UMAD1: variants seen among roughly 807,000 people sequenced by gnomAD.
UMAD1 encodes UBAP1-MVB12-associated (UMA) domain containing 1.
Under a neutral mutation model 6.1 loss-of-function variants are expected in UMAD1, and 8 were observed. The ratio of observed to expected loss-of-function variants is 1.30; its 90% CI spans 0.76 to 2.35. UMAD1 has a LOEUF of 2.35. Ranked by LOEUF, UMAD1 falls within the 30% of genes most tolerant of loss-of-function variation. The probability of loss-of-function intolerance (pLI) is 0.00; values close to 1 mark genes in which losing one functional copy is unlikely to be tolerated. For missense variants in UMAD1, 130 were observed against 78.4 expected (o/e 1.66, Z -2.49); for synonymous variants, 56 against 31.4 (o/e 1.78, Z -2.61).
intron 2 of UMAD1, among the ~76,000 whole-genome samples, chr7:7,678,397 T>C (rs1489936993): frequency 6.8e-6 from 1 of 146,518 alleles, no homozygotes; most frequent in African/African-American, 2.5e-5. Context: ...GAGAAATAGC[T>C]ATTCAGATAT....
chr7:7,834,016 C>CTTTT (rs4034895), intron 3 of UMAD1, among the ~76,000 whole-genome samples: 277 of 110,384 alleles, frequency 2.5e-3, no homozygotes, highest in Middle Eastern at 6.5e-3. Context: ...TTTTTCTTTT[C>CTTTT]TTTTTTTTTT....
chr7:7,767,318 G>A (rs1782008239), intron 2 of UMAD1, among the ~76,000 whole-genome samples: 1 of 151,746 alleles, frequency 6.6e-6, no homozygotes, highest in Admixed American at 6.6e-5. Context: ...GTAGAGACGG[G>A]GTTTCACCAT....
chr7:7,745,553 G>A (rs1018596100), intron 2 of UMAD1, among the ~76,000 whole-genome samples: 1 of 115,540 alleles, frequency 8.7e-6, no homozygotes, highest in African/African-American at 4.2e-5. Context: ...CAACTTTTGG[G>A]AATAAATATA....
intron 3 of UMAD1, among the ~76,000 whole-genome samples, chr7:7,848,863 T>G (rs1783859655): frequency 6.6e-6 from 1 of 152,166 alleles, no homozygotes; most frequent in African/African-American, 2.4e-5. Flanking sequence ...ACTGCCAACT[T>G]TATTTAAACT....
chr7:7,832,725 G>A (rs1165884052), intron 3 of UMAD1, among the ~76,000 whole-genome samples: 1 of 152,180 alleles, frequency 6.6e-6, no homozygotes, highest in Non-Finnish European at 1.5e-5. Flanking sequence ...GATGGCCAAA[G>A]TACAGTTGTT....
intron 2 of UMAD1, among the ~76,000 whole-genome samples, chr7:7,698,930 C>A (rs547330012): frequency 1.3e-5 from 2 of 149,640 alleles, no homozygotes; most frequent in African/African-American, 2.5e-5. Context: ...TAACAGCTCA[C>A]TGAAGTCTCG....
chr7:7,803,159 A>G (rs1048409752), intron 3 of UMAD1, among the ~76,000 whole-genome samples: 2 of 152,240 alleles, frequency 1.3e-5, no homozygotes, highest in African/African-American at 4.8e-5. Context: ...TGTTGAAGCA[A>G]CTTGATCTCT....
At chr7:7,817,061 A>C (rs1206372360) in intron 3 of UMAD1, among the ~76,000 whole-genome samples, 1 of 152,206 alleles carries the variant, frequency 6.6e-6, no homozygotes, top group African/African-American at 2.4e-5. Flanking sequence ...CTGTGTCACC[A>C]TACAGAGTTT....
chr7:7,643,105 C>T (rs1024835737), intron 1 of UMAD1, among the ~76,000 whole-genome samples: 11 of 152,080 alleles, frequency 7.2e-5, no homozygotes, highest in Admixed American at 2.0e-4. Context: ...TGGCAATTAC[C>T]GAATTTGCTT....
Position 7,657,052 on chromosome 7 carries a change from T to C in UMAD1, c.-64+16231T>C, listed in dbSNP as rs1396614990. 2.6e-5 allele frequency among the ~76,000 whole-genome samples: 4 copies of C among 152,216 alleles called. No individual in the cohort carries two copies. The South Asian group carries it at 6.2e-4, about 24-fold the overall frequency. ...ATCTCATTGTGGTTTTGATTTGCAT[T>C]TCTCTAATGACCAGTGATGATGAGC... On this transcript the variant is annotated intron_variant, in intron 1 of 3. Transcript: ENST00000682710.
At chr7:7,713,833 A>G (rs1282303251) in intron 2 of UMAD1, among the ~76,000 whole-genome samples, 4 of 152,122 alleles carry the variant, frequency 2.6e-5, no homozygotes, top group Admixed American at 1.3e-4. Flanking sequence ...TCAAAAAATT[A>G]AAAAAATTTT....
At chr7:7,757,899 T>C (rs1356568525) in intron 2 of UMAD1, among the ~76,000 whole-genome samples, 1 of 152,070 alleles carries the variant, frequency 6.6e-6, no homozygotes, top group Non-Finnish European at 1.5e-5. Context: ...GGGTTCTGTG[T>C]TGTGTTGTGT....
intron 2 of UMAD1, among the ~76,000 whole-genome samples, chr7:7,776,238 A>G (rs1782204740): frequency 6.6e-6 from 1 of 152,216 alleles, no homozygotes; most frequent in Non-Finnish European, 1.5e-5. Flanking sequence ...AGGCAGAATG[A>G]TCAGTTGAGC....
chr7:7,779,429 CT>C (rs1310546712), intron 2 of UMAD1, among the ~76,000 whole-genome samples: 1 of 152,032 alleles, frequency 6.6e-6, no homozygotes, highest in Admixed American at 6.6e-5. Context: ...CCACATCCAG[CT>C]AATTAACAAC....
intron 3 of UMAD1, among the ~76,000 whole-genome samples, chr7:7,849,186 C>T (rs370214574): frequency 1.8e-4 from 27 of 152,276 alleles, no homozygotes; most frequent in African/African-American, 6.5e-4. Context: ...ATTCAATCCT[C>T]ACATCTTACA....
chr7:7,676,994 A>G (rs571352226), intron 2 of UMAD1, among the ~76,000 whole-genome samples: 1 of 152,068 alleles, frequency 6.6e-6, no homozygotes, highest in Non-Finnish European at 1.5e-5. Flanking sequence ...CATACTGTAT[A>G]AAATATTCTG....
chr7:7,647,533 C>T (rs554343480), intron 1 of UMAD1, among the ~76,000 whole-genome samples: 4 of 152,252 alleles, frequency 2.6e-5, no homozygotes, highest in Admixed American at 2.0e-4. Flanking sequence ...TCTCAATTAT[C>T]GATAAATATG....
At chr7:7,765,500 T>C (rs114597105) in intron 2 of UMAD1, among the ~76,000 whole-genome samples, 8,132 of 152,282 alleles carry the variant, frequency 0.053, 457 homozygotes, top group African/African-American at 0.14. Flanking sequence ...AGCTTAATAT[T>C]ACAATTCTAA....
At chr7:7,696,350 C>T (rs1473269866) in intron 2 of UMAD1, among the ~76,000 whole-genome samples, 2 of 150,260 alleles carry the variant, frequency 1.3e-5, no homozygotes, top group African/African-American at 4.9e-5. Flanking sequence ...TGAAGTATCA[C>T]GATAAAGACA....
Sources: gnomAD v4.1 joint callset for allele counts (sites outside exome capture counted in the v4.1 genomes callset) on GRCh38, gnomAD v4.1.1 for gene constraint, MANE v1.5 for transcripts, NCBI Gene and HGNC (gene_info 2026-07-23, HGNC 2026-07-21) for gene names.